SNX8: variants seen among roughly 807,000 people sequenced by gnomAD.
The protein encoded by SNX8 is sorting nexin 8, also known as sorting nexin-8.
SNX8 carries 25 observed loss-of-function variants against 51.6 expected under a neutral mutation model. The observed-to-expected ratio is 0.48, with a 90% confidence interval of 0.35 to 0.68. The LOEUF is 0.68. Ranked by LOEUF, SNX8 falls within the 30% of genes least tolerant of loss-of-function variation. The probability of loss-of-function intolerance (pLI) is 0.00; values close to 1 mark genes in which losing one functional copy is unlikely to be tolerated. For missense variants in SNX8, 695 were observed against 624.0 expected, an observed-to-expected ratio of 1.11 and a Z score of -1.21; for synonymous variants, 324 against 277.0, an observed-to-expected ratio of 1.17 and a Z score of -1.68.
chr7:2,344,387 G>T (rs1276516228), intron 1 of SNX8, among the ~76,000 whole-genome samples: 1 of 148,048 alleles, frequency 6.8e-6, no homozygotes, highest in African/African-American at 2.5e-5. Flanking sequence ...CCAGACGGGC[G>T]GATCACGAGG....
intron 1 of SNX8, among the ~76,000 whole-genome samples, chr7:2,337,435 C>G (rs980367448): frequency 1.4e-5 from 2 of 138,594 alleles, no homozygotes; most frequent in African/African-American, 5.2e-5. Context: ...GGTGACAGAG[C>G]AAGACCCTGT....
chr7:2,258,516 C>T (rs1795254085), intron 7 of SNX8, among the ~76,000 whole-genome samples: 1 of 152,148 alleles, frequency 6.6e-6, no homozygotes, highest in Admixed American at 6.5e-5. Flanking sequence ...AACCCGAGTT[C>T]CCATATAACG....
chr7:2,282,395 C>A (rs1355693685), intron 1 of SNX8, among the ~76,000 whole-genome samples: 1 of 152,132 alleles, frequency 6.6e-6, no homozygotes, highest in Non-Finnish European at 1.5e-5. Flanking sequence ...GGGGCAAAGT[C>A]AGGCCCAAGT....
At chr7:2,273,731 G>A (rs1359894048) in intron 3 of SNX8, among the ~76,000 whole-genome samples, 5 of 144,026 alleles carry the variant, frequency 3.5e-5, no homozygotes, top group African/African-American at 5.1e-5. Flanking sequence ...GTGAAACCCC[G>A]TCTCTACTAA....
At chr7:2,326,387 C>T (rs1454209171) in intron 1 of SNX8, among the ~76,000 whole-genome samples, 4 of 151,870 alleles carry the variant, frequency 2.6e-5, no homozygotes, top group South Asian at 2.1e-4. Context: ...TAAAAGGGGC[C>T]GGGCACGGTG....
intron 1 of SNX8, among the ~76,000 whole-genome samples, chr7:2,324,875 G>A (rs1174540482): frequency 6.6e-6 from 1 of 152,024 alleles, no homozygotes; most frequent in Non-Finnish European, 1.5e-5. Flanking sequence ...GTAGGATCAT[G>A]GCTCACTGCA....
chr7:2,265,092 C>T (rs754959097), intron 5 of SNX8, among the ~76,000 whole-genome samples: 17 of 152,188 alleles, frequency 1.1e-4, no homozygotes, highest in Middle Eastern at 3.4e-3. Flanking sequence ...CAGTGGCTCA[C>T]GCCTGTAATC....
intron 1 of SNX8, among the ~76,000 whole-genome samples, chr7:2,306,607 T>C (rs910673270): frequency 1.3e-5 from 2 of 151,978 alleles, no homozygotes; most frequent in Admixed American, 6.6e-5. Flanking sequence ...TGTAGAAAAA[T>C]GTCAAGTGAA....
intron 1 of SNX8, among the ~76,000 whole-genome samples, chr7:2,290,552 G>A (rs941273849): frequency 6.6e-6 from 1 of 152,140 alleles, no homozygotes; most frequent in African/African-American, 2.4e-5. Flanking sequence ...GCACATAATA[G>A]ATGCTAAATA....
At position 2,272,628 on chromosome 7, in the gene SNX8, G is replaced by A. The variant is rs193286417; in HGVS notation, c.419-657C>T. Among the ~76,000 whole-genome samples, 662 of 151,340 alleles carry A rather than the reference G, an allele frequency of 4.4e-3. 6 individuals are homozygous for A. The highest frequency in any genetic ancestry group is 0.016 in the African/African-American group (646 of 41,284). On this transcript the variant is annotated intron_variant, in intron 3 of 10. Transcript: ENST00000222990. ...TGACCTCAGGTGATCCACCTGCCTC[G>A]GCCTCCCAAAGTGCTGATATTACAG...
intron 1 of SNX8, among the ~76,000 whole-genome samples, chr7:2,326,297 G>A (rs1164309470): frequency 2.6e-5 from 4 of 151,750 alleles, no homozygotes; most frequent in South Asian, 2.1e-4. Flanking sequence ...CCAGGGAGGC[G>A]GAGGTTGCAG....
intron 5 of SNX8, among the ~76,000 whole-genome samples, chr7:2,265,843 G>A (rs980961713): frequency 6.6e-6 from 1 of 152,064 alleles, no homozygotes; most frequent in African/African-American, 2.4e-5. Flanking sequence ...CAGGCATGGT[G>A]GCTCATGCCT....
intron 1 of SNX8, among the ~76,000 whole-genome samples, chr7:2,313,878 C>T (rs940464451): frequency 4.6e-5 from 7 of 152,222 alleles, no homozygotes; most frequent in Non-Finnish European, 1.0e-4. Context: ...GACCACACAA[C>T]CGACAGGAGC....
chr7:2,311,884 C>A (rs557176713), intron 1 of SNX8, among the ~76,000 whole-genome samples: 98 of 151,862 alleles, frequency 6.5e-4, no homozygotes, highest in Middle Eastern at 3.4e-3. Context: ...TTGCAGTGAG[C>A]CGAGATCACA....
intron 5 of SNX8, 137 bp from the exon 6 acceptor site, chr7:2,264,595 C>G: frequency 1.5e-6 from 1 of 671,714 alleles, no homozygotes; most frequent in South Asian, 1.9e-5. Flanking sequence ...CCCACTCCTC[C>G]AGGCCTGCAG....
chr7:2,314,725 C>T (rs1796727055), upstream of SNX8, among the ~76,000 whole-genome samples: 1 of 152,224 alleles, frequency 6.6e-6, no homozygotes, highest in South Asian at 2.1e-4. Flanking sequence ...CGCAAGCCTG[C>T]ACCCACCGCA....
intron 1 of SNX8, among the ~76,000 whole-genome samples, chr7:2,337,834 A>C (rs1295791517): frequency 6.8e-6 from 1 of 147,836 alleles, no homozygotes; most frequent in Non-Finnish European, 1.5e-5. Flanking sequence ...TTCCTCAAGC[A>C]AATAAAAGGA....
intron 3 of SNX8, among the ~76,000 whole-genome samples, chr7:2,274,796 C>T (rs928289736): frequency 2.6e-5 from 4 of 152,190 alleles, no homozygotes; most frequent in African/African-American, 2.4e-5. Context: ...CGGGAGCTCT[C>T]GGGAGCCCTG....
At chr7:2,296,525 CAG>C (rs1312595691) in intron 1 of SNX8, among the ~76,000 whole-genome samples, 1 of 151,966 alleles carries the variant, frequency 6.6e-6, no homozygotes, top group East Asian at 1.9e-4. Flanking sequence ...CATCAGCAAA[CAG>C]AGATAGTTTG....
Sources: allele counts gnomAD v4.1 joint callset (sites outside exome capture counted in the v4.1 genomes callset), GRCh38; gene constraint gnomAD v4.1.1; transcripts MANE v1.5; gene names NCBI Gene and HGNC (gene_info 2026-07-23, HGNC 2026-07-21).